The following SCIN variants were observed in gnomAD, a reference collection of about 807,000 sequenced individuals.
SCIN encodes adseverin.
Under a neutral mutation model 91.8 loss-of-function variants are expected in SCIN, and 91 were observed. That is an observed-to-expected ratio of 0.99 (90% CI 0.84 to 1.18). The LOEUF (loss-of-function observed/expected upper bound fraction) is 1.18, where lower values mean the gene tolerates loss of function less well. Among genes scored for constraint, SCIN ranks in the 50% most tolerant of loss-of-function variants. SCIN has a pLI of 0.00. For missense variants in SCIN, 1,087 were observed against 863.9 expected, an observed-to-expected ratio of 1.26 and a Z score of -3.24; for synonymous variants, 367 against 312.6, an observed-to-expected ratio of 1.17 and a Z score of -1.84.
In SCIN at chr7:12,653,091, ACT is replaced by A. The variant is rs543779393; in HGVS notation, c.*379_*380del. 7.1e-6 allele frequency: 1 copy of A among 141,696 alleles called. No individual in the cohort carries two copies. Among genetic ancestry groups the A allele is most frequent in the African/African-American group, 2.8e-5 (1 of 35,722 alleles). The allele number at this position is 141,696 out of a possible 1,614,324, so 8.8% of individuals were successfully genotyped here. The stretch of plus-strand genomic sequence containing the variant: ...CCACACTCCAGCCTGGGCAACAGAG[ACT>A]CTGTCTCAAAAAAAAAAAAAAAAAA... On this transcript the variant is annotated 3_prime_UTR_variant, in exon 16 of 16. Transcript: ENST00000297029. This position sits in a 1 kb window ranked among gnomAD's most constrained non-coding sequence, Gnocchi z 4.1.
chr7:12,637,563 A>C (rs1410437564), intron 10 of SCIN, among the ~76,000 whole-genome samples: 1 of 151,816 alleles, frequency 6.6e-6, no homozygotes, highest in Non-Finnish European at 1.5e-5. Flanking sequence ...AAGAAATGAG[A>C]CAAGTAAGGA....
chr7:12,623,135 T>C lies in SCIN; in HGVS notation c.759+242T>C, dbSNP rs1410192576. ...TTATTGCTGTGACTTCATAAAATTA[T>C]ATATTGTTGCTGTACTAGTTTGCAA... On this transcript the variant is annotated intron_variant, in intron 5 of 15. Transcript: ENST00000297029. Among the ~76,000 whole-genome samples, 3 of 152,226 alleles carry C rather than the reference T, an allele frequency of 2.0e-5. No individual in the cohort carries two copies. In the East Asian group the frequency reaches 5.8e-4, roughly 29 times the overall value.
At chr7:12,586,425 C>A (rs144117782) in intron 3 of SCIN, among the ~76,000 whole-genome samples, 13 of 152,106 alleles carry the variant, frequency 8.5e-5, no homozygotes, top group South Asian at 2.1e-4. Flanking sequence ...AAAACACACA[C>A]AGAAAAGACA....
intron 4 of SCIN, among the ~76,000 whole-genome samples, chr7:12,613,795 A>C (rs1404519): frequency 0.12 from 18,096 of 152,208 alleles, 1,564 homozygotes; most frequent in East Asian, 0.37. Context: ...TTGTAAGGAA[A>C]GGATGGTTTC....
chr7:12,635,169 AAAT>A (rs991153390), intron 9 of SCIN, among the ~76,000 whole-genome samples: 19 of 151,268 alleles, frequency 1.3e-4, no homozygotes, highest in Admixed American at 4.0e-4. Context: ...ACTCTGTCTC[AAAT>A]AATAATAATA....
At chr7:12,613,927 T>A (rs931019928) in intron 4 of SCIN, among the ~76,000 whole-genome samples, 1 of 152,150 alleles carries the variant, frequency 6.6e-6, no homozygotes, top group African/African-American at 2.4e-5. Flanking sequence ...TTAATATCTG[T>A]ATGTAAACAA....
chr7:12,596,933 T>C (rs897190582), intron 3 of SCIN, among the ~76,000 whole-genome samples: 1 of 152,280 alleles, frequency 6.6e-6, no homozygotes, highest in South Asian at 2.1e-4. Context: ...ATTTCTCTTC[T>C]CTCTATCACC....
At chr7:12,625,625 G>A (rs1041306484) in intron 6 of SCIN, 137 bp from the exon 7 acceptor site, 11 of 661,898 alleles carry the variant, frequency 1.7e-5, no homozygotes, top group South Asian at 2.1e-5. Flanking sequence ...CACCGCACCC[G>A]GCCAATTTTG....
At chr7:12,626,920 C>G in intron 8 of SCIN, 121 bp downstream of exon 8, 1 of 833,410 alleles carries the variant, frequency 1.2e-6, no homozygotes, top group Non-Finnish European at 1.9e-6. Context: ...TGAAACCCCA[C>G]CTCTACTCAA....
At chr7:12,641,062 T>G (rs931720929) in intron 11 of SCIN, among the ~76,000 whole-genome samples, 17 of 152,136 alleles carry the variant, frequency 1.1e-4, no homozygotes, top group African/African-American at 4.1e-4. Flanking sequence ...GCCCAGGTTT[T>G]TAAATGGCTA....
intron 4 of SCIN, among the ~76,000 whole-genome samples, chr7:12,604,971 A>G (rs1783045197): frequency 6.6e-6 from 1 of 152,048 alleles, no homozygotes; most frequent in African/African-American, 2.4e-5. Flanking sequence ...TGACCGTAAG[A>G]ATGTATTTTG....
rs74322165 is a variant in SCIN, at chr7:12,571,952, C to G, written c.199+967C>G. On this transcript the variant is annotated intron_variant, in intron 1 of 15. Coordinates refer to ENST00000297029, the MANE Select transcript of SCIN (RefSeq NM_001112706.3). ...CCGATTCTCTGAGCCTTTTTGCCTT[C>G]TTTTAAAACTAGCTAGCCTGCCCAG... 2.5e-3 allele frequency among the ~76,000 whole-genome samples: 382 copies of G among 152,274 alleles called. 4 individuals are homozygous for G. The highest frequency in any genetic ancestry group is 8.6e-3 in the African/African-American group (356 of 41,554).
At chr7:12,582,820 C>T (rs1048304169) in intron 3 of SCIN, among the ~76,000 whole-genome samples, 1 of 152,182 alleles carries the variant, frequency 6.6e-6, no homozygotes, top group African/African-American at 2.4e-5. Context: ...CCACACAGTT[C>T]CGAAAGCAAT....
chr7:12,641,532 T>C (rs947385468), intron 11 of SCIN, among the ~76,000 whole-genome samples: 1 of 152,184 alleles, frequency 6.6e-6, no homozygotes, highest in Non-Finnish European at 1.5e-5. Context: ...CTTTGATGAC[T>C]TCAGCCATTA....
intron 3 of SCIN, among the ~76,000 whole-genome samples, chr7:12,594,518 C>A (rs1213944489): frequency 6.6e-6 from 1 of 152,122 alleles, no homozygotes; most frequent in Non-Finnish European, 1.5e-5. Context: ...ATTTTCGGGC[C>A]ATTGGGAGCC....
intron 10 of SCIN, among the ~76,000 whole-genome samples, chr7:12,636,843 C>A (rs1783762479): frequency 6.6e-6 from 1 of 152,002 alleles, no homozygotes; most frequent in Non-Finnish European, 1.5e-5. Context: ...ATGCTAGTTA[C>A]CCTAATTTGA....
intron 10 of SCIN, among the ~76,000 whole-genome samples, chr7:12,637,432 G>T (rs1392949958): frequency 6.6e-6 from 1 of 152,084 alleles, no homozygotes; most frequent in African/African-American, 2.4e-5. Context: ...GGGAGGAAGT[G>T]GTGGAGAGGG....
At chr7:12,608,755 A>T (rs1192591394) in intron 4 of SCIN, among the ~76,000 whole-genome samples, 1 of 152,168 alleles carries the variant, frequency 6.6e-6, no homozygotes, top group Non-Finnish European at 1.5e-5. Context: ...GAAATTACAG[A>T]TGTGAGCCTA....
At position 12,651,939 on chromosome 7, in the gene SCIN, G is replaced by T; in HGVS notation, c.2020+38G>T. The T allele has an allele frequency of 7.1e-7, 1 of 1,405,230 alleles. No individual in the cohort carries two copies. The highest frequency in any genetic ancestry group is 1.0e-6 in the Non-Finnish European group (1 of 1,004,138). The allele number at this position is 1,405,230 out of a possible 1,614,324, so 87.0% of individuals were successfully genotyped here. A position where few individuals can be genotyped will look rare whatever the true frequency, so the allele number is the denominator to read the frequency against. ...GATGGACCATTATAGCAGTAACCGG[G>T]CACCATTATGACCGAGTGTCTGGCT... On this transcript the variant is annotated intron_variant, in intron 15 of 15. Transcript: ENST00000297029. This position sits in a 1 kb window ranked among gnomAD's most constrained non-coding sequence, Gnocchi z 5.9.
Sources: gnomAD v4.1 joint callset for allele counts (sites outside exome capture counted in the v4.1 genomes callset) on GRCh38, gnomAD v4.1.1 for gene constraint, Gnocchi (gnomAD v3.1) non-coding constraint, MANE v1.5 for transcripts, NCBI Gene and HGNC (gene_info 2026-07-23, HGNC 2026-07-21) for gene names.